NEK10: variants seen among roughly 807,000 people sequenced by gnomAD.
NEK10 encodes serine/threonine-protein kinase Nek10.
A neutral mutation model predicts 159.8 loss-of-function variants in NEK10; 122 were observed. The observed-to-expected ratio is 0.76, with a 90% CI of 0.66 to 0.89. The LOEUF (loss-of-function observed/expected upper bound fraction) is 0.89, where lower values mean the gene tolerates loss of function less well. Among genes scored for constraint, NEK10 ranks in the 40% least tolerant of loss-of-function variants. The pLI, the probability that NEK10 is intolerant of heterozygous loss-of-function variation, is 0.00. For synonymous variants in NEK10, 466 were observed against 457.1 expected (o/e 1.02, Z -0.25); for missense variants, 1,342 against 1,323.1 (o/e 1.01, Z -0.22).
At chr3:27,134,333 T>C (rs939127530) in intron 31 of NEK10, among the ~76,000 whole-genome samples, 7 of 152,152 alleles carry the variant, frequency 4.6e-5, no homozygotes, top group African/African-American at 1.7e-4. Flanking sequence ...CCTTTTGTAA[T>C]GCACCAAAAG....
At chr3:27,221,537 A>C (rs890023948) in intron 23 of NEK10, among the ~76,000 whole-genome samples, 3 of 152,238 alleles carry the variant, frequency 2.0e-5, no homozygotes, top group African/African-American at 7.2e-5. Context: ...ACTTTGGAAG[A>C]CAATTTGGCA....
chr3:27,197,528 G>A (rs1031884922), intron 25 of NEK10, among the ~76,000 whole-genome samples: 7 of 152,122 alleles, frequency 4.6e-5, no homozygotes, highest in African/African-American at 1.7e-4. Context: ...CCCCAGGTAG[G>A]CCTGTCTTCA....
At chr3:27,332,323 A>T (rs1014281807) in intron 5 of NEK10, among the ~76,000 whole-genome samples, 3 of 152,238 alleles carry the variant, frequency 2.0e-5, no homozygotes, top group African/African-American at 2.4e-5. Flanking sequence ...TATTCATATA[A>T]CATGATCCAA....
intron 22 of NEK10, among the ~76,000 whole-genome samples, chr3:27,264,393 A>T (rs1210837511): frequency 6.6e-6 from 1 of 152,214 alleles, no homozygotes; most frequent in Non-Finnish European, 1.5e-5. Flanking sequence ...AATTATTGAC[A>T]AAATGTAAGT....
At chr3:27,326,341 A>G (rs996624995) in intron 5 of NEK10, among the ~76,000 whole-genome samples, 1 of 152,214 alleles carries the variant, frequency 6.6e-6, no homozygotes. Flanking sequence ...TCAGGTTGCA[A>G]CAGCTGCTAG....
intron 3 of NEK10, among the ~76,000 whole-genome samples, chr3:27,351,930 T>C (rs1276523243): frequency 6.6e-6 from 1 of 151,866 alleles, no homozygotes; most frequent in East Asian, 1.9e-4. Flanking sequence ...TGGAGATAAA[T>C]TCAAGCAGAA....
chr3:27,239,640 G>T (rs1279946421), intron 23 of NEK10, among the ~76,000 whole-genome samples: 1 of 152,104 alleles, frequency 6.6e-6, no homozygotes, highest in African/African-American at 2.4e-5. Context: ...CTAAGATATT[G>T]AAAGGTTTTC....
At chr3:27,316,419 A>G (rs1486893837) in intron 6 of NEK10, among the ~76,000 whole-genome samples, 1 of 152,202 alleles carries the variant, frequency 6.6e-6, no homozygotes, top group African/African-American at 2.4e-5. Context: ...TAACTAACAC[A>G]GGGGGAGAGA....
At chr3:27,354,892 C>G (rs2048223409) in intron 1 of NEK10, among the ~76,000 whole-genome samples, 1 of 152,194 alleles carries the variant, frequency 6.6e-6, no homozygotes, top group Admixed American at 6.5e-5. Flanking sequence ...CATAACTCCC[C>G]AGGCACTCCT....
At chr3:27,307,138 C>T (rs141958539) in intron 11 of NEK10, among the ~76,000 whole-genome samples, 262 of 152,268 alleles carry the variant, frequency 1.7e-3, no homozygotes, top group Middle Eastern at 3.4e-3. Context: ...AAGCTTGGAA[C>T]CTTGTTTGTT....
At chr3:27,254,918 TAC>T (rs3035705) in intron 23 of NEK10, among the ~76,000 whole-genome samples, 12,292 of 141,194 alleles carry the variant, frequency 0.087, 524 homozygotes, top group South Asian at 0.1. Flanking sequence ...CTCTTTCTCT[TAC>T]ACACACACAC....
At chr3:27,243,581 G>A (rs1954765237) in intron 23 of NEK10, among the ~76,000 whole-genome samples, 1 of 151,988 alleles carries the variant, frequency 6.6e-6, no homozygotes, top group Non-Finnish European at 1.5e-5. Context: ...TACATATACT[G>A]TCATAATGTC....
rs1193857418 is a variant in NEK10, at chr3:27,141,695, T to C, written c.2870-113A>G. 5.8e-6 allele frequency: 4 copies of C among 692,230 alleles called. No individual in the cohort carries two copies. The East Asian group carries it at 1.0e-4, about 18-fold the overall frequency. 42.9% of individuals were successfully genotyped at this position (692,230 alleles called of 1,614,324 possible). A position where few individuals can be genotyped will look rare whatever the true frequency, so the allele number is the denominator to read the frequency against. ...TAAAGCAAAGACTTCACCTTATCAATGAGACAATATGCAGAGACCCTGTAA... is the reference window on the plus strand; with the variant it reads ...TAAAGCAAAGACTTCACCTTATCAACGAGACAATATGCAGAGACCCTGTAA... On this transcript the variant is annotated intron_variant, in intron 30 of 35. Coordinates refer to ENST00000691995, the MANE Select transcript of NEK10 (RefSeq NM_001394966.1).
At chr3:27,310,901 C>T (rs767994515) in intron 9 of NEK10, 48 bp downstream of exon 9, 2 of 1,167,934 alleles carry the variant, frequency 1.7e-6, no homozygotes, top group Non-Finnish European at 2.6e-6. Context: ...CTAATGTGAA[C>T]TATTGCCATA....
At position 27,250,347 on chromosome 3, in the gene NEK10, C is replaced by T. The variant is rs7627952; in HGVS notation, c.2090+5949G>A. Among the ~76,000 whole-genome samples the T allele has an allele frequency of 8.9e-3, 1,348 of 152,004 alleles. 23 individuals are homozygous for T. Among genetic ancestry groups the T allele is most frequent in the African/African-American group, 0.03 (1,240 of 41,464 alleles). Reference sequence around the variant, plus strand: ...GACTACAGGCGCCCACCACCATGCCCGGCTAATTTTTTGTATTTTTAGTAG... The same window carrying T: ...GACTACAGGCGCCCACCACCATGCCTGGCTAATTTTTTGTATTTTTAGTAG... On this transcript the variant is annotated intron_variant, in intron 23 of 35. Transcript: ENST00000691995.
rs1415974408 is a variant in NEK10, at chr3:27,307,889, A to G, written c.773T>C (p.Ile258Thr). 2 of 1,567,824 alleles carry G rather than the reference A, an allele frequency of 1.3e-6. No homozygotes were observed. Among genetic ancestry groups the G allele is most frequent in the Admixed American group, 1.7e-5 (1 of 59,692 alleles). ...ELNIVENLLM[I>T]LHEYDLLSKR... ...AGAAAGCAAGTCATATTCATGTAAA[A>G]TCATCAACAGATTTTCTACAATGTT... Residue 258 changes from isoleucine (I) to threonine (T), a missense_variant, in exon 11 of 36, where the codon ATT becomes ACT. Coordinates refer to ENST00000691995, the MANE Select transcript of NEK10 (RefSeq NM_001394966.1).
chr3:27,126,107 G>A (rs1272660687), intron 32 of NEK10, among the ~76,000 whole-genome samples: 4 of 152,156 alleles, frequency 2.6e-5, no homozygotes, highest in Admixed American at 6.6e-5. Context: ...ATAAAGAGCC[G>A]TTAATTCAAG....
Position 27,331,251 on chromosome 3 carries a change from C to CA in NEK10, c.363-8991dup, listed in dbSNP as rs1247716064. 3.2e-4 allele frequency among the ~76,000 whole-genome samples: 17 copies of CA among 53,906 alleles called. 1 individual carries two copies. The highest frequency in any genetic ancestry group is 5.7e-4 in the Admixed American group (2 of 3,512). The allele number at this position is 53,906 out of a possible 152,430, so 35.4% of individuals were successfully genotyped here. On this transcript the variant is annotated intron_variant, in intron 5 of 35. Coordinates refer to ENST00000691995, the MANE Select transcript of NEK10 (RefSeq NM_001394966.1). ...AGACTCTGTCTCAAAAAAAAAAAAACAAAAAAAAAAAACACACAAACCTAA... is the reference window on the plus strand; with the variant it reads ...AGACTCTGTCTCAAAAAAAAAAAAACAAAAAAAAAAAAACACACAAACCTAA...
At chr3:27,184,470 C>G (rs778216239) in intron 26 of NEK10, among the ~76,000 whole-genome samples, 15 of 152,176 alleles carry the variant, frequency 9.9e-5, no homozygotes, top group Non-Finnish European at 2.1e-4. Flanking sequence ...TGTTCTAACT[C>G]TTGTTTGGGG....
Sources: allele counts gnomAD v4.1 joint callset (sites outside exome capture counted in the v4.1 genomes callset), GRCh38; gene constraint gnomAD v4.1.1; transcripts MANE v1.5; gene names NCBI Gene and HGNC (gene_info 2026-07-23, HGNC 2026-07-21).